The following NOSTRIN variants were observed in gnomAD, a reference collection of about 807,000 sequenced individuals.
NOSTRIN encodes nitric oxide synthase trafficking, also known as BM247 homolog.
In NOSTRIN, 63 loss-of-function variants were observed where a neutral mutation model predicts 59.0. The ratio of observed to expected loss-of-function variants is 1.07; its 90% CI spans 0.87 to 1.32. NOSTRIN has a LOEUF of 1.32. Among genes scored for constraint, NOSTRIN ranks in the 40% most tolerant of loss-of-function variants. The pLI, the probability that NOSTRIN is intolerant of heterozygous loss-of-function variation, is 0.00. For synonymous variants in NOSTRIN, 200 were observed against 165.4 expected (o/e 1.21, Z -1.61); for missense variants, 512 against 473.1 (o/e 1.08, Z -0.76).
Position 168,855,381 on chromosome 2 carries a change from A to G in NOSTRIN, c.885A>G (p.Lys295=). The G allele has an allele frequency of 6.2e-7, 1 of 1,606,744 alleles. No homozygotes were observed. Among genetic ancestry groups the G allele is most frequent in the Non-Finnish European group, 8.5e-7 (1 of 1,174,450 alleles). ...FEEDPNSAMD[K]ERRKSLLKPK... ...AAGATCCTAACAGTGCAATGGATAA[A>G]GAGAGACGAAAGTCTTTACTAAAAC... is the stretch of plus-strand genomic sequence containing the variant. The change falls in exon 11 of 16, where the codon AAA becomes AAG. Residue 295 remains lysine, a synonymous_variant. Transcript: ENST00000317647.
chr2:168,848,803 C>T (rs145866540), intron 8 of NOSTRIN, among the ~76,000 whole-genome samples: 6 of 151,956 alleles, frequency 3.9e-5, no homozygotes, highest in Non-Finnish European at 7.4e-5. Flanking sequence ...AATGAGAAGT[C>T]GTTGTTTCAT....
At chr2:168,862,207 A>G (rs753939675) in intron 15 of NOSTRIN, among the ~76,000 whole-genome samples, 158 bp downstream of exon 15, 1 of 152,252 alleles carries the variant, frequency 6.6e-6, no homozygotes, top group African/African-American at 2.4e-5. Flanking sequence ...AAGCTCGCAT[A>G]ATGATAATAG....
At position 168,855,362 on chromosome 2, in the gene NOSTRIN, C is replaced by A. The variant is rs748547642; in HGVS notation, c.866C>A (p.Pro289His). The change falls in exon 11 of 16, where the codon CCT becomes CAT. Residue 289 changes from proline (P) to histidine (H), a missense_variant. By Grantham distance (77) the Pro-to-His change is moderately conservative (BLOSUM62 -2). Transcript: ENST00000317647. Reference protein sequence around the residue: ...FLLTDYFEEDPNSAMDKERRK... With the variant: ...FLLTDYFEEDHNSAMDKERRK... ...TCTTTTTTCCTAAAGGAAGAAGATC[C>A]TAACAGTGCAATGGATAAAGAGAGA... 1 of 1,573,582 alleles carries A rather than the reference C, an allele frequency of 6.4e-7. No individual in the cohort carries two copies. Among genetic ancestry groups the A allele is most frequent in the Admixed American group, 1.7e-5 (1 of 57,618 alleles).
intron 1 of NOSTRIN, chr2:168,786,843 C>A (rs1042923293): frequency 6.6e-6 from 1 of 152,164 alleles, no homozygotes; most frequent in East Asian, 1.9e-4. Flanking sequence ...CCTGCCTCCC[C>A]CCTCCTCCAG....
At chr2:168,837,689 A>G (rs1479442867) in intron 7 of NOSTRIN, among the ~76,000 whole-genome samples, 2 of 151,906 alleles carry the variant, frequency 1.3e-5, no homozygotes, top group African/African-American at 4.8e-5. Flanking sequence ...AATCACCCTA[A>G]TCAAGCTTTC....
At chr2:168,823,547 A>G (rs1206082985) in intron 2 of NOSTRIN, among the ~76,000 whole-genome samples, 1 of 152,122 alleles carries the variant, frequency 6.6e-6, no homozygotes, top group Non-Finnish European at 1.5e-5. Flanking sequence ...TCATGTTCAC[A>G]TGGCTTTTTC....
chr2:168,800,362 T>C (rs774974154), upstream of NOSTRIN, among the ~76,000 whole-genome samples: 6 of 152,248 alleles, frequency 3.9e-5, no homozygotes, highest in Non-Finnish European at 7.3e-5. Context: ...GATACCAACC[T>C]ATTTCTGACC....
rs1172343033 is a variant in NOSTRIN at position 168,788,981 on chromosome 2, C to T, written c.-473+933C>T. On this transcript the variant is annotated intron_variant, in intron 2 of 20. Transcript: ENST00000458381. ...TCCACCTCAGAGCCTAGAGTCAATG[C>T]CTCCTCAGTAGCTCCTCCTGAGCAC... Among the ~76,000 whole-genome samples the T allele has an allele frequency of 2.6e-5, 4 of 152,068 alleles. No homozygotes were observed. In the East Asian group the frequency reaches 5.8e-4, roughly 22 times the overall value.
At chr2:168,841,895 T>C (rs1207318580) in intron 7 of NOSTRIN, among the ~76,000 whole-genome samples, 1 of 152,226 alleles carries the variant, frequency 6.6e-6, no homozygotes, top group African/African-American at 2.4e-5. Flanking sequence ...ACAAATATTA[T>C]GTACAAAAGG....
chr2:168,808,230 T>C (rs970393880), intron 1 of NOSTRIN, among the ~76,000 whole-genome samples: 1 of 152,184 alleles, frequency 6.6e-6, no homozygotes, highest in African/African-American at 2.4e-5. Context: ...CATGCCCCCA[T>C]TCCACGCTTG....
At chr2:168,826,379 ACTACAGATATC>A (rs1320174821) in intron 3 of NOSTRIN, among the ~76,000 whole-genome samples, 1 of 152,218 alleles carries the variant, frequency 6.6e-6, no homozygotes, top group East Asian at 1.9e-4. Flanking sequence ...TGTGTTAGGT[ACTACAGATATC>A]CTGTTACTTC....
At chr2:168,794,353 A>T (rs912914738), upstream of NOSTRIN, among the ~76,000 whole-genome samples, 7 of 141,632 alleles carry the variant, frequency 4.9e-5, no homozygotes, top group East Asian at 2.1e-4. Flanking sequence ...AAAAGGGATG[A>T]TTTTTTTTTT....
At chr2:168,863,259 C>A in intron 15 of NOSTRIN, 1 of 282,048 alleles carries the variant, frequency 3.5e-6, no homozygotes, top group Non-Finnish European at 5.3e-6. Context: ...TAGATTATGT[C>A]AATTTACTGA....
chr2:168,854,698 G>T (rs1358178754), intron 10 of NOSTRIN, among the ~76,000 whole-genome samples: 1 of 151,978 alleles, frequency 6.6e-6, no homozygotes, highest in Non-Finnish European at 1.5e-5. Flanking sequence ...TTCCTGCCTG[G>T]AGTGCCCTTT....
intron 6 of NOSTRIN, among the ~76,000 whole-genome samples, chr2:168,833,083 T>G (rs567425057): frequency 4.6e-5 from 7 of 152,348 alleles, no homozygotes; most frequent in African/African-American, 1.4e-4. Flanking sequence ...AGTCATTTTT[T>G]TAAATAAAAG....
At chr2:168,863,521 GT>G in intron 15 of NOSTRIN, 4 of 985,320 alleles carry the variant, frequency 4.1e-6, no homozygotes, top group Non-Finnish European at 4.8e-6. Context: ...CAAGAGCCAT[GT>G]TTCTTGTCCA....
chr2:168,801,510 A>G (rs1685614747), upstream of NOSTRIN, among the ~76,000 whole-genome samples: 1 of 152,186 alleles, frequency 6.6e-6, no homozygotes, highest in African/African-American at 2.4e-5. Context: ...TGCATGAGCC[A>G]CTGCAACTGG....
At chr2:168,843,715 C>T (rs1464533378) in intron 8 of NOSTRIN, among the ~76,000 whole-genome samples, 2 of 152,156 alleles carry the variant, frequency 1.3e-5, no homozygotes, top group Non-Finnish European at 2.9e-5. Flanking sequence ...TAGAACTTGA[C>T]AATATCAAGT....
At chr2:168,835,113 G>A (rs1028081828) in intron 7 of NOSTRIN, among the ~76,000 whole-genome samples, 2 of 151,058 alleles carry the variant, frequency 1.3e-5, no homozygotes, top group African/African-American at 4.9e-5. Flanking sequence ...CTCACTCTGT[G>A]GCCCAGGCTG....
Sources: gnomAD v4.1 joint callset for allele counts (sites outside exome capture counted in the v4.1 genomes callset) on GRCh38, gnomAD v4.1.1 for gene constraint, MANE v1.5 for transcripts, NCBI Gene and HGNC (gene_info 2026-07-23, HGNC 2026-07-21) for gene names.